CPSF2: variants seen among roughly 807,000 people sequenced by gnomAD.
CPSF2 encodes cleavage and polyadenylation specific factor 2.
In CPSF2, 51 loss-of-function variants were observed where a neutral mutation model predicts 84.2. The ratio of observed to expected loss-of-function variants is 0.61; its 90% CI spans 0.48 to 0.77. The LOEUF (loss-of-function observed/expected upper bound fraction) is 0.77, where lower values mean the gene tolerates loss of function less well. Ranked by LOEUF, CPSF2 falls within the 30% of genes least tolerant of loss-of-function variation. CPSF2 has a pLI of 0.00. For synonymous variants in CPSF2, 286 were observed against 311.9 expected, an observed-to-expected ratio of 0.92 and a Z score of 0.87; for missense variants, 641 against 929.4, an observed-to-expected ratio of 0.69 and a Z score of 4.03.
chr14:92,141,655 C>T (rs1487385523), intron 7 of CPSF2, among the ~76,000 whole-genome samples: 2 of 152,222 alleles, frequency 1.3e-5, no homozygotes, highest in Non-Finnish European at 2.9e-5. Flanking sequence ...ACCTGGGCAT[C>T]TGATGGTTTT....
chr14:92,124,648 T>C (rs529005459), intron 1 of CPSF2, among the ~76,000 whole-genome samples: 2 of 152,290 alleles, frequency 1.3e-5, no homozygotes, highest in East Asian at 1.9e-4. Context: ...ATCTGCACTG[T>C]TATGGTAGTC....
At position 92,134,116 on chromosome 14, in the gene CPSF2, T is replaced by C; in HGVS notation, c.255T>C (p.Tyr85=). Residue 85 remains tyrosine (Y), a synonymous_variant, in exon 4 of 16, where the codon TAT becomes TAC. Coordinates refer to ENST00000298875, the MANE Select transcript of CPSF2 (RefSeq NM_017437.3). The part of the protein sequence containing the change: ...VGKLGLNCAI[Y]ATIPVYKMGQ... ...AGTTGGGTCTGAACTGTGCTATCTA[T>C]GCAACCATTCCTGTTTATAAAATGG... The C allele has an allele frequency of 2.5e-6, 4 of 1,614,234 alleles. No homozygotes were observed. The highest frequency in any genetic ancestry group is 3.4e-6 in the Non-Finnish European group (4 of 1,180,014).
At chr14:92,122,667 A>G (rs1014520336) in intron 1 of CPSF2, among the ~76,000 whole-genome samples, 8 of 152,034 alleles carry the variant, frequency 5.3e-5, no homozygotes, top group African/African-American at 1.7e-4. Context: ...CAGCGCTTCC[A>G]CTATCACTGC....
intron 7 of CPSF2, among the ~76,000 whole-genome samples, chr14:92,141,746 T>C (rs1042884895): frequency 2.0e-5 from 3 of 152,124 alleles, no homozygotes; most frequent in East Asian, 1.9e-4. Flanking sequence ...TGTATATATG[T>C]ATGTATATAA....
At chr14:92,152,026 AAT>A (rs1327262112) in intron 9 of CPSF2, among the ~76,000 whole-genome samples, 2 of 143,950 alleles carry the variant, frequency 1.4e-5, no homozygotes, top group African/African-American at 5.2e-5. Context: ...AAAAAAAAAA[AAT>A]GCCGTTCTTC....
chr14:92,123,395 C>T (rs1363523038), intron 1 of CPSF2, among the ~76,000 whole-genome samples: 1 of 151,892 alleles, frequency 6.6e-6, no homozygotes, highest in African/African-American at 2.4e-5. Flanking sequence ...TGAGCCACCG[C>T]GCCTGGCCGA....
chr14:92,124,304 A>ATAT (rs2068818311), intron 1 of CPSF2, among the ~76,000 whole-genome samples: 1 of 152,206 alleles, frequency 6.6e-6, no homozygotes, highest in Non-Finnish European at 1.5e-5. Context: ...GGTCTCTGAC[A>ATAT]GCTATATGGA....
chr14:92,157,611 T>C lies in CPSF2; in HGVS notation c.1596-48T>C. On this transcript the variant is annotated intron_variant, in intron 12 of 15. Coordinates refer to ENST00000298875, the MANE Select transcript of CPSF2 (RefSeq NM_017437.3). This position sits in a 1 kb window ranked among gnomAD's most constrained non-coding sequence, Gnocchi z 4.0. ...GTATACATGATAAAAGCCATTTTTTTTTAGAATTATGAGAAAAGTAATCTT... is the reference window on the plus strand; with the variant it reads ...GTATACATGATAAAAGCCATTTTTTCTTAGAATTATGAGAAAAGTAATCTT... The C allele has an allele frequency of 7.1e-7, 1 of 1,414,054 alleles. No individual in the cohort carries two copies. 87.6% of individuals were successfully genotyped at this position (1,414,054 alleles called of 1,614,324 possible).
chr14:92,138,358 T>C lies in CPSF2; in HGVS notation c.661+11T>C. On this transcript the variant is annotated intron_variant, in intron 7 of 15. Coordinates refer to ENST00000298875, the MANE Select transcript of CPSF2 (RefSeq NM_017437.3). ...ATGAGCAGCTTCTGAGTACGTATTC[T>C]TTCACGTCCTTATTATTATTATTAT... The C allele has an allele frequency of 7.9e-7, 1 of 1,265,268 alleles. No homozygotes were observed. Among genetic ancestry groups the C allele is most frequent in the Middle Eastern group, 1.9e-4 (1 of 5,240 alleles). The allele number at this position is 1,265,268 out of a possible 1,614,324, so 78.4% of individuals were successfully genotyped here.
rs2069485276 is a variant in CPSF2 at position 92,169,030 on chromosome 14, G to A, written c.*7286G>A. 1 of 152,152 alleles carries A rather than the reference G, an allele frequency of 6.6e-6. No individual in the cohort carries two copies. Among genetic ancestry groups the A allele is most frequent in the Admixed American group, 6.5e-5 (1 of 15,274 alleles). 9.4% of individuals were successfully genotyped at this position (152,152 alleles called of 1,614,324 possible). ...TTCCTACCTCATTTTCTGAGGTTAT[G>A]TTGACTTTAATATCCAATGTATCAT... On this transcript the variant is annotated 3_prime_UTR_variant, in exon 16 of 16. Transcript: ENST00000298875.
At chr14:92,142,561 G>A (rs760901236) in intron 8 of CPSF2, among the ~76,000 whole-genome samples, 2 of 151,984 alleles carry the variant, frequency 1.3e-5, no homozygotes, top group Non-Finnish European at 2.9e-5. Flanking sequence ...TTTCCATTGT[G>A]TCCCTGTTTT....
intron 7 of CPSF2, among the ~76,000 whole-genome samples, chr14:92,141,672 C>T (rs901380960): frequency 6.6e-6 from 1 of 152,002 alleles, no homozygotes; most frequent in African/African-American, 2.4e-5. Flanking sequence ...TTTTGGTATT[C>T]GTGGGAGTCC....
At chr14:92,144,697 G>A (rs1385559857) in intron 9 of CPSF2, among the ~76,000 whole-genome samples, 6 of 152,172 alleles carry the variant, frequency 3.9e-5, no homozygotes. Context: ...AAACATTATG[G>A]TGTAGACAGA....
intron 9 of CPSF2, among the ~76,000 whole-genome samples, chr14:92,148,664 G>A (rs189413408): frequency 6.7e-6 from 1 of 150,176 alleles, no homozygotes; most frequent in South Asian, 2.1e-4. Context: ...AAAGAGATGG[G>A]AGCAAGGTGT....
intron 11 of CPSF2, 40 bp from the exon 12 acceptor site, chr14:92,156,439 C>G: frequency 6.3e-7 from 1 of 1,577,656 alleles, no homozygotes; most frequent in Non-Finnish European, 8.6e-7. Flanking sequence ...GTAGTATTAG[C>G]TTGCTTTTTA....
Position 92,142,364 on chromosome 14 carries a change from G to A in CPSF2, c.849+13G>A, listed in dbSNP as rs2069089501. ...TTCTAAGTCCCAGGTTTGTTCTCAT[G>A]TTGTCACTTGTAATAAGTTTGCTAC... is the stretch of plus-strand genomic sequence containing the variant. On this transcript the variant is annotated intron_variant, in intron 8 of 15. Transcript: ENST00000298875. The A allele has an allele frequency of 1.3e-6, 2 of 1,593,858 alleles. No homozygotes were observed. The highest frequency in any genetic ancestry group is 1.7e-6 in the Non-Finnish European group (2 of 1,167,730).
rs1331355751 is a variant in CPSF2 at position 92,122,074 on chromosome 14, G to T, written c.-148G>T. 2.2e-5 allele frequency: 11 copies of T among 504,594 alleles called. No homozygotes were observed. The highest frequency in any genetic ancestry group is 3.9e-5 in the Non-Finnish European group (11 of 279,196). 31.3% of individuals were successfully genotyped at this position (504,594 alleles called of 1,614,324 possible). A position where few individuals can be genotyped will look rare whatever the true frequency, so the allele number is the denominator to read the frequency against. On this transcript the variant is annotated 5_prime_UTR_variant, in exon 1 of 16. Transcript: ENST00000298875. ...TCGGCTTTTCTACGTCTTGAACCTG[G>T]ATTCGCCTAGGGGTTGGGAAGGGCT... is the stretch of plus-strand genomic sequence containing the variant.
At position 92,165,852 on chromosome 14, in the gene CPSF2, A is replaced by ATTT. The variant is rs1222722128; in HGVS notation, c.*4109_*4110insTTT. 3.7e-5 allele frequency: 2 copies of ATTT among 53,916 alleles called. No homozygotes were observed. Among genetic ancestry groups the ATTT allele is most frequent in the African/African-American group, 9.4e-5 (1 of 10,690 alleles). 3.3% of individuals were successfully genotyped at this position (53,916 alleles called of 1,614,324 possible). A position where few individuals can be genotyped will look rare whatever the true frequency, so the allele number is the denominator to read the frequency against. ...TTCAGTTCTTTGTGCTTGGTTTTAT[A>ATTT]TCTTTTTTTTTTTTTTTTTTTTTTT... On this transcript the variant is annotated 3_prime_UTR_variant, in exon 16 of 16. Transcript: ENST00000298875.
chr14:92,123,686 A>T (rs1444890039), intron 1 of CPSF2, among the ~76,000 whole-genome samples: 2 of 152,240 alleles, frequency 1.3e-5, no homozygotes, highest in Non-Finnish European at 2.9e-5. Flanking sequence ...GGCGCAAGCC[A>T]CTGCGCCCGG....
Sources: gnomAD v4.1 joint callset for allele counts (sites outside exome capture counted in the v4.1 genomes callset) on GRCh38, gnomAD v4.1.1 for gene constraint, Gnocchi (gnomAD v3.1) non-coding constraint, MANE v1.5 for transcripts, NCBI Gene and HGNC (gene_info 2026-07-23, HGNC 2026-07-21) for gene names.